Variants in HCN1 observed in about 807,000 individuals in gnomAD.
HCN1 encodes the protein hyperpolarization activated cyclic nucleotide gated potassium channel 1, also known as potassium/sodium hyperpolarization-activated cyclic nucleotide-gated channel 1.
In HCN1, 13 loss-of-function variants were observed where a neutral mutation model predicts 78.9. The observed-to-expected ratio is 0.16, with a 90% CI of 0.11 to 0.26. The LOEUF (loss-of-function observed/expected upper bound fraction) is 0.26, where lower values mean the gene tolerates loss of function less well. Among genes scored for constraint, HCN1 ranks in the 10% least tolerant of loss-of-function variants. The pLI is 1.00. For synonymous variants in HCN1, 552 were observed against 455.5 expected, an observed-to-expected ratio of 1.21 and a Z score of -2.70; for missense variants, 810 against 1,154.3, an observed-to-expected ratio of 0.70 and a Z score of 4.32.
At chr5:45,504,973 T>G (rs1449617638) in intron 2 of HCN1, among the ~76,000 whole-genome samples, 2 of 152,208 alleles carry the variant, frequency 1.3e-5, no homozygotes, top group South Asian at 2.1e-4. Context: ...TAAATTTGTT[T>G]GAGTTCATTG....
At chr5:45,631,996 A>C (rs528537640) in intron 2 of HCN1, among the ~76,000 whole-genome samples, 1 of 152,276 alleles carries the variant, frequency 6.6e-6, no homozygotes, top group African/African-American at 2.4e-5. Flanking sequence ...CAAGTTGAGT[A>C]AGATACTTTG....
chr5:45,262,760 C>T lies in HCN1; in HGVS notation c.1834G>A (p.Gly612Ser), dbSNP rs1744776622. The T allele has an allele frequency of 9.3e-6, 15 of 1,613,984 alleles. No homozygotes were observed. The highest frequency in any genetic ancestry group is 1.3e-5 in the Non-Finnish European group (15 of 1,180,034). Residue 612 changes from glycine (G) to serine (S), a missense_variant, in exon 8 of 8, where the codon GGT becomes AGT. Physicochemically the swap from Gly to Ser is moderately conservative, Grantham distance 56. Transcript: ENST00000303230. ...TCGTTCTCCTGATTGTTGAAAACAC[C>T]AGTGTTCAGATCCTTCTGGAACTTT... ...LQKFQKDLNTGVFNNQENEIL... is the reference protein window; with the variant it reads ...LQKFQKDLNTSVFNNQENEIL...
chr5:45,696,132 C>G lies in HCN1; in HGVS notation c.-39G>C. 1 of 1,271,914 alleles carries G rather than the reference C, an allele frequency of 7.9e-7. No homozygotes were observed. The highest frequency in any genetic ancestry group is 1.0e-6 in the Non-Finnish European group (1 of 995,814). 78.8% of individuals were successfully genotyped at this position (1,271,914 alleles called of 1,614,324 possible). On this transcript the variant is annotated 5_prime_UTR_variant, in exon 1 of 8. Coordinates refer to ENST00000303230, the MANE Select transcript of HCN1 (RefSeq NM_021072.4). ...GGCCGGCGACGGCGCGGGCTCCAGA[C>G]TCGCCGGCCGCCCGGCGCCGGAGAC...
intron 2 of HCN1, among the ~76,000 whole-genome samples, chr5:45,532,569 T>C (rs1373816290): frequency 2.6e-5 from 4 of 152,196 alleles, no homozygotes; most frequent in Admixed American, 1.3e-4. Flanking sequence ...TCATTCTATC[T>C]ATCATCTCTT....
intron 4 of HCN1, among the ~76,000 whole-genome samples, chr5:45,355,683 G>GT (rs1359302290): frequency 6.6e-6 from 1 of 151,942 alleles, no homozygotes; most frequent in Non-Finnish European, 1.5e-5. Context: ...AAGGGAGGAT[G>GT]TGTCAAATGA....
chr5:45,465,328 C>T (rs1741245637), intron 2 of HCN1, among the ~76,000 whole-genome samples: 1 of 152,106 alleles, frequency 6.6e-6, no homozygotes, highest in Non-Finnish European at 1.5e-5. Context: ...AACCTAACCT[C>T]AGGTTAGGGT....
intron 1 of HCN1, among the ~76,000 whole-genome samples, chr5:45,662,878 T>C (rs1205531430): frequency 5.5e-5 from 1 of 18,128 alleles, no homozygotes; most frequent in African/African-American, 2.2e-4. Context: ...ATGGCCATAC[T>C]GCCCAAGGTA....
intron 2 of HCN1, among the ~76,000 whole-genome samples, chr5:45,517,082 T>G (rs1005425222): frequency 6.6e-6 from 1 of 151,996 alleles, no homozygotes; most frequent in East Asian, 1.9e-4. Context: ...GCTTTGAGCC[T>G]TTATTGACAT....
At chr5:45,621,008 G>A (rs1417954372) in intron 2 of HCN1, among the ~76,000 whole-genome samples, 1 of 152,138 alleles carries the variant, frequency 6.6e-6, no homozygotes, top group Non-Finnish European at 1.5e-5. Flanking sequence ...AGGAAACTGA[G>A]ATCACAGATG....
intron 6 of HCN1, among the ~76,000 whole-genome samples, chr5:45,291,032 C>CTAAG (rs1554015997): frequency 6.6e-6 from 1 of 151,912 alleles, no homozygotes. Flanking sequence ...ACACAATGGC[C>CTAAG]TAAGTATTAT....
At chr5:45,451,290 T>C (rs1359798039) in intron 3 of HCN1, among the ~76,000 whole-genome samples, 1 of 152,058 alleles carries the variant, frequency 6.6e-6, no homozygotes, top group African/African-American at 2.4e-5. Context: ...GAGCTACTTA[T>C]TAAAAAGTTC....
chr5:45,556,954 G>T (rs1177258867), intron 2 of HCN1, among the ~76,000 whole-genome samples: 3 of 151,914 alleles, frequency 2.0e-5, no homozygotes, highest in Non-Finnish European at 4.4e-5. Flanking sequence ...AATCTCTCAA[G>T]CTTTCCTTCT....
At chr5:45,277,268 G>C (rs1461473618) in intron 6 of HCN1, among the ~76,000 whole-genome samples, 1 of 152,028 alleles carries the variant, frequency 6.6e-6, no homozygotes, top group Non-Finnish European at 1.5e-5. Flanking sequence ...TCTATAGTCA[G>C]TTTGCCAAAT....
chr5:45,318,732 T>C (rs960396491), intron 5 of HCN1, among the ~76,000 whole-genome samples: 3 of 151,956 alleles, frequency 2.0e-5, no homozygotes, highest in African/African-American at 4.8e-5. Flanking sequence ...ACAACATAAC[T>C]TGAAGTGGAC....
chr5:45,333,760 T>A (rs77457644), intron 5 of HCN1, among the ~76,000 whole-genome samples: 2 of 151,918 alleles, frequency 1.3e-5, no homozygotes, highest in Admixed American at 6.6e-5. Flanking sequence ...CCCCAGTATA[T>A]TTTCTTGACA....
intron 2 of HCN1, among the ~76,000 whole-genome samples, chr5:45,583,898 T>C (rs933400340): frequency 6.6e-6 from 1 of 152,188 alleles, no homozygotes; most frequent in Non-Finnish European, 1.5e-5. Context: ...GAGAAACAGT[T>C]TGTTATAATT....
intron 3 of HCN1, among the ~76,000 whole-genome samples, chr5:45,452,916 T>C (rs1398921202): frequency 6.6e-6 from 1 of 152,078 alleles, no homozygotes; most frequent in Non-Finnish European, 1.5e-5. Flanking sequence ...GTCCCTCCTA[T>C]TCTTTCTTAT....
At chr5:45,346,580 C>G (rs146694000) in intron 5 of HCN1, among the ~76,000 whole-genome samples, 1 of 152,264 alleles carries the variant, frequency 6.6e-6, no homozygotes, top group East Asian at 1.9e-4. Flanking sequence ...ACTCAGGAAG[C>G]GCAAGGGGTC....
chr5:45,467,042 A>G (rs1363096405), intron 2 of HCN1, among the ~76,000 whole-genome samples: 10 of 151,980 alleles, frequency 6.6e-5, no homozygotes, highest in Non-Finnish European at 1.5e-4. Flanking sequence ...ATTGTCCCAT[A>G]CTCATGCTCT....
Sources: gnomAD v4.1 joint callset for allele counts (sites outside exome capture counted in the v4.1 genomes callset) on GRCh38, gnomAD v4.1.1 for gene constraint, MANE v1.5 for transcripts, NCBI Gene and HGNC (gene_info 2026-07-23, HGNC 2026-07-21) for gene names.